The following BNC2 variants were observed in gnomAD, a reference collection of about 807,000 sequenced individuals.
BNC2 encodes basonuclin zinc finger protein 2.
A neutral mutation model predicts 76.3 loss-of-function variants in BNC2; 20 were observed. The ratio of observed to expected loss-of-function variants is 0.26; its 90% CI spans 0.18 to 0.38. The LOEUF (loss-of-function observed/expected upper bound fraction) is 0.38, where lower values mean the gene tolerates loss of function less well. Ranked by LOEUF, BNC2 falls within the 10% of genes least tolerant of loss-of-function variation. The pLI is 1.00. For missense variants in BNC2, 1,382 were observed against 1,399.8 expected (o/e 0.99, Z 0.20); for synonymous variants, 582 against 514.8 (o/e 1.13, Z -1.77).
At chr9:16,820,236 G>T (rs964541461) in intron 1 of BNC2, among the ~76,000 whole-genome samples, 3 of 150,876 alleles carry the variant, frequency 2.0e-5, no homozygotes, top group Admixed American at 1.3e-4. Flanking sequence ...GACCACCCTG[G>T]TCAACATGGT....
rs1240302862 is a variant in BNC2, at chr9:16,846,168, T to A, written c.3+24478A>T. Among the ~76,000 whole-genome samples the A allele has an allele frequency of 2.0e-5, 3 of 151,158 alleles. No individual in the cohort carries two copies. In the East Asian group the frequency reaches 5.8e-4, roughly 29 times the overall value. On this transcript the variant is annotated intron_variant, in intron 1 of 6. Coordinates refer to ENST00000380672, the MANE Select transcript of BNC2 (RefSeq NM_017637.6). ...AAAAAAAAAAAAAATTAATTTAGTATAAAATTAAAAAGAGCTACGTTTGAA... is the reference window on the plus strand; with the variant it reads ...AAAAAAAAAAAAAATTAATTTAGTAAAAAATTAAAAAGAGCTACGTTTGAA...
chr9:16,579,874 C>T (rs1819583726), intron 4 of BNC2: 2 of 377,204 alleles, frequency 5.3e-6, no homozygotes, highest in Non-Finnish European at 9.4e-6. Flanking sequence ...ATGATTTTGG[C>T]ATTTGGTTAT....
intron 1 of BNC2, among the ~76,000 whole-genome samples, chr9:16,792,898 G>T (rs1817552776): frequency 6.6e-6 from 1 of 152,168 alleles, no homozygotes; most frequent in African/African-American, 2.4e-5. Flanking sequence ...TGATACAAAA[G>T]CAAAGGGATT....
chr9:16,464,349 A>G (rs183410758), intron 5 of BNC2, among the ~76,000 whole-genome samples: 97 of 152,152 alleles, frequency 6.4e-4, no homozygotes, highest in African/African-American at 2.3e-3. Context: ...CATTAGGATT[A>G]AGATTAAATA....
At chr9:16,512,869 C>T (rs554357491) in intron 5 of BNC2, among the ~76,000 whole-genome samples, 29 of 151,978 alleles carry the variant, frequency 1.9e-4, no homozygotes, top group South Asian at 1.7e-3. Context: ...GGCGTGGTGG[C>T]TCATGCCTGA....
At chr9:16,585,592 A>C (rs983096935) in intron 3 of BNC2, among the ~76,000 whole-genome samples, 3 of 152,210 alleles carry the variant, frequency 2.0e-5, no homozygotes, top group Non-Finnish European at 4.4e-5. Flanking sequence ...TTGCCGCTTC[A>C]AAGGAAGTTT....
chr9:16,749,061 T>C (rs912061482), intron 1 of BNC2, among the ~76,000 whole-genome samples: 2 of 36,278 alleles, frequency 5.5e-5, no homozygotes, highest in Admixed American at 3.4e-4. Context: ...TCTTAGAAAT[T>C]CAGTATGTAA....
chr9:16,628,632 C>G (rs2133697285), intron 3 of BNC2, among the ~76,000 whole-genome samples: 1 of 152,266 alleles, frequency 6.6e-6, no homozygotes, highest in Admixed American at 6.5e-5. Flanking sequence ...AACACACACG[C>G]AGAGCAATTC....
chr9:16,799,923 C>G (rs1817741096), intron 1 of BNC2, among the ~76,000 whole-genome samples: 1 of 152,110 alleles, frequency 6.6e-6, no homozygotes, highest in Non-Finnish European at 1.5e-5. Flanking sequence ...TTGGCTCACA[C>G]AGAGAAGAAA....
chr9:16,757,422 C>A (rs1025971388), intron 1 of BNC2, among the ~76,000 whole-genome samples: 2 of 152,174 alleles, frequency 1.3e-5, no homozygotes, highest in Non-Finnish European at 2.9e-5. Context: ...CAGAGATAAA[C>A]TCACTCATGC....
Position 16,412,718 on chromosome 9 carries a change from G to GGGGAGA in BNC2, c.*6265_*6270dup. ...AGAATAAGAGGGAAGGAGAGAGAGAGGGGAGAGAGAGAGAGAGAGAGAGAG... is the reference window on the plus strand; with the variant it reads ...AGAATAAGAGGGAAGGAGAGAGAGAGGGGAGAGGGAGAGAGAGAGAGAGAGAGAGAG... On this transcript the variant is annotated 3_prime_UTR_variant, in exon 7 of 7. Transcript: ENST00000380672. 2 of 100,562 alleles carry GGGGAGA rather than the reference G, an allele frequency of 2.0e-5. No homozygotes were observed. The highest frequency in any genetic ancestry group is 4.3e-5 in the Non-Finnish European group (2 of 46,360). The allele number at this position is 100,562 out of a possible 1,614,324, so 6.2% of individuals were successfully genotyped here.
At chr9:16,834,545 C>T (rs867502837) in intron 1 of BNC2, among the ~76,000 whole-genome samples, 4 of 152,296 alleles carry the variant, frequency 2.6e-5, no homozygotes, top group Middle Eastern at 6.8e-3. Flanking sequence ...AGTCACTCTT[C>T]TGTAGAAAGA....
At chr9:16,845,073 C>T (rs938442833) in intron 1 of BNC2, among the ~76,000 whole-genome samples, 5 of 152,126 alleles carry the variant, frequency 3.3e-5, no homozygotes, top group Admixed American at 1.3e-4. Context: ...TACTTCACAG[C>T]GAACTGATGA....
chr9:16,847,464 G>C (rs1296745750), intron 1 of BNC2, among the ~76,000 whole-genome samples: 1 of 108,892 alleles, frequency 9.2e-6, no homozygotes. Flanking sequence ...TACAAATTAA[G>C]GAAGTTGACT....
intron 3 of BNC2, among the ~76,000 whole-genome samples, chr9:16,675,635 T>G (rs955158340): frequency 1.3e-5 from 2 of 152,194 alleles, no homozygotes; most frequent in Non-Finnish European, 2.9e-5. Context: ...GAATAAAACC[T>G]AGTAAATTGT....
intron 5 of BNC2, among the ~76,000 whole-genome samples, chr9:16,438,795 C>G (rs57310704): frequency 2.6e-5 from 4 of 151,962 alleles, no homozygotes; most frequent in African/African-American, 7.2e-5. Context: ...AAAGGGTGAT[C>G]GACGTTACCA....
intron 5 of BNC2, among the ~76,000 whole-genome samples, chr9:16,514,237 C>G (rs1450082405): frequency 6.6e-6 from 1 of 152,228 alleles, no homozygotes; most frequent in Admixed American, 6.5e-5. Context: ...CCAGACCATG[C>G]AGCCTGAGAG....
intron 5 of BNC2, among the ~76,000 whole-genome samples, chr9:16,508,230 G>A (rs1822674678): frequency 1.3e-5 from 2 of 152,120 alleles, no homozygotes; most frequent in Admixed American, 6.5e-5. Flanking sequence ...TACTTATTCT[G>A]CTCCATAGGT....
chr9:16,635,551 G>C (rs1056678598), intron 3 of BNC2, among the ~76,000 whole-genome samples: 1 of 152,040 alleles, frequency 6.6e-6, no homozygotes, highest in Non-Finnish European at 1.5e-5. Context: ...CTATTTTACT[G>C]GAAAGTAACA....
Sources: allele counts gnomAD v4.1 joint callset (sites outside exome capture counted in the v4.1 genomes callset), GRCh38; gene constraint gnomAD v4.1.1; transcripts MANE v1.5; gene names NCBI Gene and HGNC (gene_info 2026-07-23, HGNC 2026-07-21).